The following DHRSX variants were observed in gnomAD, a reference collection of about 807,000 sequenced individuals.
DHRSX encodes dehydrogenase/reductase X-linked, also known as polyprenol dehydrogenase.
A neutral mutation model predicts 34.0 loss-of-function variants in DHRSX; 31 were observed. That is an observed-to-expected ratio of 0.91 (90% CI 0.69 to 1.23). DHRSX has a LOEUF of 1.23. Ranked by LOEUF, DHRSX falls within the 50% of genes most tolerant of loss-of-function variation. The pLI is 0.00. For missense variants in DHRSX, 414 were observed against 428.1 expected (o/e 0.97, Z 0.29); for synonymous variants, 201 against 183.8 (o/e 1.09, Z -0.76).
intron 1 of DHRSX, among the ~76,000 whole-genome samples, chrX:2,484,125 A>T (rs1239977236): frequency 1.3e-5 from 2 of 152,044 alleles, no homozygotes; most frequent in African/African-American, 4.8e-5. Context: ...GGTGCCCACC[A>T]CCATGCCCAG....
intron 3 of DHRSX, among the ~76,000 whole-genome samples, chrX:2,352,728 G>A (rs983104830): frequency 6.6e-6 from 1 of 152,146 alleles, no homozygotes; most frequent in Non-Finnish European, 1.5e-5. Flanking sequence ...GAATGCTACG[G>A]TGATAGCTAC....
At chrX:2,256,793 A>G (rs2041285872) in intron 5 of DHRSX, among the ~76,000 whole-genome samples, 1 of 149,330 alleles carries the variant, frequency 6.7e-6, no homozygotes, top group Non-Finnish European at 1.5e-5. Context: ...CTTTCATCCA[A>G]AAAAAAAAAG....
At chrX:2,411,554 CAAAAAA>C (rs774788900) in intron 2 of DHRSX, among the ~76,000 whole-genome samples, 2 of 55,556 alleles carry the variant, frequency 3.6e-5, no homozygotes. Context: ...AACTCTGTCC[CAAAAAA>C]AAAAAAAAAA....
intron 4 of DHRSX, among the ~76,000 whole-genome samples, chrX:2,288,622 G>C (rs1179897120): frequency 6.6e-6 from 1 of 152,212 alleles, no homozygotes; most frequent in African/African-American, 2.4e-5. Flanking sequence ...TCTAGAACCA[G>C]TGTCAGCCAT....
intron 1 of DHRSX, among the ~76,000 whole-genome samples, chrX:2,467,046 CAA>C (rs1449308531): frequency 2.6e-5 from 3 of 115,276 alleles, no homozygotes; most frequent in South Asian, 2.7e-4. Context: ...GCCTGGGAGA[CAA>C]GAGCAAAAGT....
intron 1 of DHRSX, among the ~76,000 whole-genome samples, chrX:2,441,252 A>C (rs1186905964): frequency 6.6e-6 from 1 of 152,182 alleles, no homozygotes; most frequent in African/African-American, 2.4e-5. Flanking sequence ...CAAGAAGAAC[A>C]AAGGCTAAGG....
At chrX:2,303,412 C>T (rs1050958952) in intron 3 of DHRSX, among the ~76,000 whole-genome samples, 1 of 151,978 alleles carries the variant, frequency 6.6e-6, no homozygotes, top group Non-Finnish European at 1.5e-5. Context: ...GAATGAGTTC[C>T]CACAAGATCT....
At chrX:2,230,126 C>T (rs187623248) in intron 6 of DHRSX, among the ~76,000 whole-genome samples, 2 of 152,238 alleles carry the variant, frequency 1.3e-5, no homozygotes, top group East Asian at 1.9e-4. Context: ...CATTTATGCA[C>T]GTGAGCATGT....
intron 3 of DHRSX, among the ~76,000 whole-genome samples, chrX:2,383,412 C>T (rs1405434448): frequency 6.6e-6 from 1 of 151,910 alleles, no homozygotes; most frequent in Non-Finnish European, 1.5e-5. Context: ...CCATCATCAT[C>T]ATCATCACCA....
In DHRSX at chrX:2,459,516, TAGAG is replaced by T. The variant is rs750009785; in HGVS notation, c.110-34216_110-34213del. On this transcript the variant is annotated intron_variant, in intron 1 of 6. Transcript: ENST00000334651. ...TGGATTAAAACATCATATTGTACCATAGAGAGAGAGAGAGAGAGAATGTGTGTCT... is the reference window on the plus strand; with the variant it reads ...TGGATTAAAACATCATATTGTACCATAGAGAGAGAGAGAGAATGTGTGTCT... Among the ~76,000 whole-genome samples the T allele has an allele frequency of 1.2e-3, 162 of 139,920 alleles. 1 individual carries two copies. The highest frequency in any genetic ancestry group is 2.7e-3 in the African/African-American group (105 of 38,210). 91.8% of individuals were successfully genotyped at this position (139,920 alleles called of 152,430 possible).
intron 3 of DHRSX, among the ~76,000 whole-genome samples, chrX:2,337,544 CAG>C (rs369105007): frequency 3.8e-4 from 58 of 151,882 alleles, no homozygotes; most frequent in African/African-American, 1.3e-3. Flanking sequence ...TATTTCCACA[CAG>C]GGGAGAAACA....
chrX:2,472,393 C>T (rs1449430090), intron 1 of DHRSX, among the ~76,000 whole-genome samples: 1 of 152,040 alleles, frequency 6.6e-6, no homozygotes, highest in African/African-American at 2.4e-5. Context: ...GGCTTACTAC[C>T]TGGTTGATGA....
rs1330383720 is a variant in DHRSX at position 2,320,039 on chromosome X, G to A, written c.287-28436C>T. The stretch of plus-strand genomic sequence containing the variant: ...GAGACGGGTTTCACCATGTTGGTCA[G>A]GCTGGTCTTGAACTCCCGACCTCAG... On this transcript the variant is annotated intron_variant, in intron 3 of 6. Transcript: ENST00000334651. Among the ~76,000 whole-genome samples, 11 of 151,880 alleles carry A rather than the reference G, an allele frequency of 7.2e-5. No homozygotes were observed. In the East Asian group the frequency reaches 2.1e-3, roughly 30 times the overall value.
At chrX:2,414,652 A>G (rs1249508333) in intron 2 of DHRSX, among the ~76,000 whole-genome samples, 2 of 152,106 alleles carry the variant, frequency 1.3e-5, no homozygotes, top group Non-Finnish European at 2.9e-5. Flanking sequence ...ACCTAACCCA[A>G]CTAGGTCTCA....
At chrX:2,463,251 G>T (rs1399556381) in intron 1 of DHRSX, among the ~76,000 whole-genome samples, 1 of 152,152 alleles carries the variant, frequency 6.6e-6, no homozygotes, top group Non-Finnish European at 1.5e-5. Flanking sequence ...GGGAGGCGGA[G>T]GTTGCAGTGA....
At chrX:2,476,813 GGCCAACATGGAAAAACCC>G (rs2044687245) in intron 1 of DHRSX, among the ~76,000 whole-genome samples, 1 of 152,072 alleles carries the variant, frequency 6.6e-6, no homozygotes. Flanking sequence ...AGACCAGCCT[GGCCAACATGGAAAAACCC>G]GTCTCTACTA....
intron 6 of DHRSX, among the ~76,000 whole-genome samples, chrX:2,227,098 G>A (rs1169814447): frequency 2.0e-5 from 3 of 152,002 alleles, no homozygotes; most frequent in African/African-American, 7.2e-5. Flanking sequence ...CCCTGCACCT[G>A]CACCCCAGCC....
At chrX:2,342,860 A>C in intron 3 of DHRSX, among the ~76,000 whole-genome samples, 1 of 152,202 alleles carries the variant, frequency 6.6e-6, no homozygotes, top group Non-Finnish European at 1.5e-5. Context: ...TGAGTCTTTT[A>C]ATTCAAACAT....
At chrX:2,304,255 G>A (rs1249528186) in intron 3 of DHRSX, among the ~76,000 whole-genome samples, 2 of 142,120 alleles carry the variant, frequency 1.4e-5, no homozygotes, top group African/African-American at 5.3e-5. Flanking sequence ...ATGGATGGAT[G>A]GATGGGTGGG....
Sources: allele counts gnomAD v4.1 joint callset (sites outside exome capture counted in the v4.1 genomes callset), GRCh38; gene constraint gnomAD v4.1.1; transcripts MANE v1.5; gene names NCBI Gene and HGNC (gene_info 2026-07-23, HGNC 2026-07-21).